The following GALNT13 variants were observed in gnomAD, a reference collection of about 807,000 sequenced individuals.
GALNT13 encodes the protein UDP-GalNAc:polypeptide N-acetylgalactosaminyltransferase 13.
GALNT13 carries 28 observed loss-of-function variants against 64.2 expected under a neutral mutation model. The observed-to-expected ratio is 0.44, with a 90% CI of 0.32 to 0.60. The LOEUF is 0.60. GALNT13 is among the 20% of genes least tolerant of loss of function. The probability of loss-of-function intolerance (pLI) is 0.05; values close to 1 mark genes in which losing one functional copy is unlikely to be tolerated. For missense variants in GALNT13, 577 were observed against 669.8 expected, an observed-to-expected ratio of 0.86 and a Z score of 1.53; for synonymous variants, 214 against 224.6, an observed-to-expected ratio of 0.95 and a Z score of 0.42.
At chr2:154,117,244 A>C (rs748175719) in intron 3 of GALNT13, among the ~76,000 whole-genome samples, 4 of 152,142 alleles carry the variant, frequency 2.6e-5, no homozygotes, top group Non-Finnish European at 4.4e-5. Flanking sequence ...ACTCAGCATC[A>C]ATACTTTGCA....
the GALNT13 span, among the ~76,000 whole-genome samples, chr2:153,181,184 C>T: frequency 1.3e-5 from 2 of 150,612 alleles, no homozygotes; most frequent in Admixed American, 1.3e-4. Context: ...TTGCTGCATC[C>T]CATAACTTTG....
intron 4 of GALNT13, among the ~76,000 whole-genome samples, chr2:154,158,650 A>C (rs1184162504): frequency 6.6e-6 from 1 of 152,204 alleles, no homozygotes; most frequent in Non-Finnish European, 1.5e-5. Context: ...CCATACCAAG[A>C]ACAATTCTAC....
chr2:153,640,138 G>A, the GALNT13 span, among the ~76,000 whole-genome samples: 1 of 152,060 alleles, frequency 6.6e-6, no homozygotes, highest in African/African-American at 2.4e-5. Context: ...ATAAAGCACC[G>A]AGATCTCTGT....
chr2:154,152,520 G>A (rs1371184722), intron 4 of GALNT13, among the ~76,000 whole-genome samples: 1 of 152,164 alleles, frequency 6.6e-6, no homozygotes, highest in Non-Finnish European at 1.5e-5. Context: ...ATATCCTGCA[G>A]AGTGTTTTCC....
the GALNT13 span, among the ~76,000 whole-genome samples, chr2:153,864,793 G>A: frequency 6.7e-6 from 1 of 149,658 alleles, no homozygotes; most frequent in Admixed American, 6.7e-5. Context: ...TTTCTTCACA[G>A]AATTGGAAAA....
chr2:154,420,899 C>T (rs1275247448), intron 11 of GALNT13, among the ~76,000 whole-genome samples: 2 of 152,084 alleles, frequency 1.3e-5, no homozygotes, highest in African/African-American at 2.4e-5. Flanking sequence ...TGATTAGTTG[C>T]TTTGCTGTAC....
At chr2:153,183,901 G>A in the GALNT13 span, among the ~76,000 whole-genome samples, 2 of 152,140 alleles carry the variant, frequency 1.3e-5, no homozygotes, top group Non-Finnish European at 2.9e-5. Flanking sequence ...AATTCAGGTG[G>A]CTTGATGCCT....
At chr2:153,652,010 T>C in the GALNT13 span, among the ~76,000 whole-genome samples, 8 of 152,164 alleles carry the variant, frequency 5.3e-5, no homozygotes, top group African/African-American at 1.7e-4. Context: ...GAATTCCAAG[T>C]GGTGAATAAG....
chr2:153,717,915 G>A, the GALNT13 span, among the ~76,000 whole-genome samples: 1 of 151,858 alleles, frequency 6.6e-6, no homozygotes, highest in Non-Finnish European at 1.5e-5. Flanking sequence ...TACTTACCAA[G>A]TTCTCAAACC....
intron 3 of GALNT13, among the ~76,000 whole-genome samples, chr2:154,107,323 A>G (rs189212945): frequency 6.6e-6 from 1 of 152,318 alleles, no homozygotes; most frequent in African/African-American, 2.4e-5. Context: ...AGCTGGGCAC[A>G]GTGGCTCATG....
At chr2:153,222,316 G>GGGC in the GALNT13 span, among the ~76,000 whole-genome samples, 10 of 143,768 alleles carry the variant, frequency 7.0e-5, no homozygotes, top group African/African-American at 2.6e-4. Context: ...CTGGGGGGGG[G>GGGC]GGGGGGGGGG....
At chr2:153,728,189 C>G in the GALNT13 span, among the ~76,000 whole-genome samples, 1 of 152,048 alleles carries the variant, frequency 6.6e-6, no homozygotes, top group African/African-American at 2.4e-5. Flanking sequence ...CTTCTAGATA[C>G]TGCTGCAATA....
intron 3 of GALNT13, among the ~76,000 whole-genome samples, chr2:154,135,535 G>A (rs915106289): frequency 2.6e-5 from 4 of 152,170 alleles, no homozygotes; most frequent in Non-Finnish European, 4.4e-5. Context: ...ATTGCTACTT[G>A]TCATACATTA....
intron 3 of GALNT13, among the ~76,000 whole-genome samples, chr2:154,022,258 G>A (rs1268567608): frequency 6.6e-6 from 1 of 152,114 alleles, no homozygotes; most frequent in African/African-American, 2.4e-5. Context: ...CTATTGATTG[G>A]AGTAGTTTCA....
At chr2:153,660,946 T>A in the GALNT13 span, among the ~76,000 whole-genome samples, 1 of 152,102 alleles carries the variant, frequency 6.6e-6, no homozygotes, top group African/African-American at 2.4e-5. Flanking sequence ...AGCAGCAACA[T>A]GCTAGTGTAC....
the GALNT13 span, among the ~76,000 whole-genome samples, chr2:153,513,928 C>A: frequency 6.6e-6 from 1 of 152,230 alleles, no homozygotes; most frequent in African/African-American, 2.4e-5. Flanking sequence ...CTTTACTTTC[C>A]TTTTCCTCTC....
At chr2:154,298,609 T>C (rs866564727) in intron 8 of GALNT13, among the ~76,000 whole-genome samples, 2,891 of 4,498 alleles carry the variant, frequency 0.64, 912 homozygotes, top group East Asian at 0.7. Context: ...ATGTATATAT[T>C]AATTTATATA....
chr2:154,045,673 C>A (rs1699240158), intron 3 of GALNT13, among the ~76,000 whole-genome samples: 1 of 152,030 alleles, frequency 6.6e-6, no homozygotes, highest in Admixed American at 6.6e-5. Flanking sequence ...GAGAAGCAGC[C>A]CCTAAATTCT....
intron 1 of GALNT13, among the ~76,000 whole-genome samples, chr2:153,875,360 A>G (rs965425894): frequency 3.3e-5 from 5 of 152,202 alleles, no homozygotes; most frequent in Middle Eastern, 6.3e-3. Context: ...ACTGTACCCA[A>G]TTTTTATATT....
Sources: gnomAD v4.1 joint callset for allele counts (sites outside exome capture counted in the v4.1 genomes callset) on GRCh38, gnomAD v4.1.1 for gene constraint, MANE v1.5 for transcripts, NCBI Gene and HGNC (gene_info 2026-07-23, HGNC 2026-07-21) for gene names.